SPECC1: variants seen among roughly 807,000 people sequenced by gnomAD.
SPECC1 encodes sperm antigen with calponin homology and coiled-coil domains 1, also known as cytospin-B.
A neutral mutation model predicts 104.1 loss-of-function variants in SPECC1; 62 were observed. The ratio of observed to expected loss-of-function variants is 0.60; its 90% confidence interval spans 0.49 to 0.74. The LOEUF is 0.74. Among genes scored for constraint, SPECC1 ranks in the 30% least tolerant of loss-of-function variants. The pLI, the probability that SPECC1 is intolerant of heterozygous loss-of-function variation, is 0.00. For missense variants in SPECC1, 1,306 were observed against 1,310.5 expected, an observed-to-expected ratio of 1.00 and a Z score of 0.05; for synonymous variants, 513 against 501.6, an observed-to-expected ratio of 1.02 and a Z score of -0.30.
intron 3 of SPECC1, among the ~76,000 whole-genome samples, chr17:20,172,822 TGAA>T (rs2034191264): frequency 6.6e-6 from 1 of 152,178 alleles, no homozygotes; most frequent in Non-Finnish European, 1.5e-5. Flanking sequence ...GCGATTAACT[TGAA>T]GAGAACTGAT....
chr17:20,191,083 T>C (rs1375387688), intron 3 of SPECC1, among the ~76,000 whole-genome samples: 1 of 152,204 alleles, frequency 6.6e-6, no homozygotes, highest in Non-Finnish European at 1.5e-5. Context: ...GGCTTAATAG[T>C]TATTTCATTT....
intron 1 of SPECC1, among the ~76,000 whole-genome samples, chr17:20,022,939 G>T (rs1194899217): frequency 6.6e-6 from 1 of 152,138 alleles, no homozygotes; most frequent in Admixed American, 6.5e-5. Context: ...GAATACTGAC[G>T]GACTGTGTGC....
At chr17:20,196,025 C>T (rs2036010755) in intron 3 of SPECC1, among the ~76,000 whole-genome samples, 1 of 152,074 alleles carries the variant, frequency 6.6e-6, no homozygotes, top group African/African-American at 2.4e-5. Context: ...AATAATACCC[C>T]TTTAATTTAG....
At chr17:20,047,800 T>C (rs1429339965) in intron 1 of SPECC1, among the ~76,000 whole-genome samples, 1 of 152,032 alleles carries the variant, frequency 6.6e-6, no homozygotes, top group African/African-American at 2.4e-5. Flanking sequence ...GGTTTCACCG[T>C]GTTAGCCAGG....
intron 3 of SPECC1, among the ~76,000 whole-genome samples, chr17:20,158,432 A>G (rs2032807195): frequency 6.6e-6 from 1 of 152,214 alleles, no homozygotes; most frequent in Admixed American, 6.5e-5. Context: ...AAAGCTTTTG[A>G]TCATGATGCA....
chr17:20,279,309 C>CTTTTT (rs558884865), intron 12 of SPECC1, among the ~76,000 whole-genome samples: 12 of 131,838 alleles, frequency 9.1e-5, no homozygotes, highest in African/African-American at 2.0e-4. Flanking sequence ...ACTTTTCTTT[C>CTTTTT]TTTTTTTTTT....
intron 3 of SPECC1, among the ~76,000 whole-genome samples, chr17:20,166,589 C>A (rs2033667548): frequency 6.6e-6 from 1 of 151,760 alleles, no homozygotes; most frequent in South Asian, 2.1e-4. Context: ...CTTTTATTAT[C>A]AAAAAATAAA....
chr17:20,153,077 G>T (rs575188984), intron 3 of SPECC1, among the ~76,000 whole-genome samples: 1 of 152,158 alleles, frequency 6.6e-6, no homozygotes, highest in African/African-American at 2.4e-5. Flanking sequence ...ATCACATTGT[G>T]GGGGGTAGGG....
intron 7 of SPECC1, among the ~76,000 whole-genome samples, chr17:20,233,382 A>C (rs1189393256): frequency 6.6e-6 from 1 of 152,138 alleles, no homozygotes; most frequent in Non-Finnish European, 1.5e-5. Context: ...ATTTTTCAGA[A>C]TTCAGCTGTG....
At chr17:20,117,961 C>T (rs1298053521) in intron 3 of SPECC1, among the ~76,000 whole-genome samples, 1 of 151,308 alleles carries the variant, frequency 6.6e-6, no homozygotes, top group East Asian at 2.0e-4. Flanking sequence ...AAAAATTAGC[C>T]AAGCATGGAA....
At chr17:20,285,236 T>A (rs149343002) in intron 12 of SPECC1, among the ~76,000 whole-genome samples, 43 of 152,320 alleles carry the variant, frequency 2.8e-4, no homozygotes, top group African/African-American at 9.9e-4. Flanking sequence ...GCTGCGTTAT[T>A]CATGAGTGCT....
At chr17:20,266,759 A>G (rs2040233070) in intron 12 of SPECC1, among the ~76,000 whole-genome samples, 1 of 152,010 alleles carries the variant, frequency 6.6e-6, no homozygotes, top group Admixed American at 6.5e-5. Context: ...TAAAGCAGGG[A>G]AGGAGGGTTG....
At chr17:20,158,477 C>T (rs1044579885) in intron 3 of SPECC1, among the ~76,000 whole-genome samples, 16 of 152,294 alleles carry the variant, frequency 1.1e-4, no homozygotes, top group Middle Eastern at 3.4e-3. Flanking sequence ...CGGGAGGCAG[C>T]AGGTTTGGGC....
At chr17:20,043,635 G>T (rs561522833) in intron 1 of SPECC1, among the ~76,000 whole-genome samples, 1 of 152,158 alleles carries the variant, frequency 6.6e-6, no homozygotes, top group East Asian at 1.9e-4. Context: ...TTAATCTTTG[G>T]GCAGTTCCTT....
chr17:20,134,264 G>A (rs567736970), intron 3 of SPECC1, among the ~76,000 whole-genome samples: 1 of 151,756 alleles, frequency 6.6e-6, no homozygotes, highest in African/African-American at 2.4e-5. Flanking sequence ...GTAGTAGTGA[G>A]AAACATGGCT....
At chr17:20,310,509 G>A (rs962495271) in intron 14 of SPECC1, among the ~76,000 whole-genome samples, 3 of 152,332 alleles carry the variant, frequency 2.0e-5, no homozygotes, top group South Asian at 2.1e-4. Context: ...CTCAGCCACC[G>A]TGTAAGGAGA....
chr17:20,263,885 T>TTGTGTG lies in SPECC1; in HGVS notation c.2940+3608_2940+3613dup, dbSNP rs556560740. ...GAACACTATTTCCTGCTGGAGTGAT[T>TTGTGTG]TGTGTGTGTGTGTGTGTGTGTGAAC... is the stretch of plus-strand genomic sequence containing the variant. On this transcript the variant is annotated intron_variant, in intron 12 of 14. Coordinates refer to ENST00000395527, the MANE Select transcript of SPECC1 (RefSeq NM_001243439.2). Among the ~76,000 whole-genome samples the TTGTGTG allele has an allele frequency of 6.0e-5, 9 of 150,364 alleles. No individual in the cohort carries two copies. In the East Asian group the frequency reaches 7.8e-4, roughly 13 times the overall value.
intron 2 of SPECC1, among the ~76,000 whole-genome samples, chr17:20,099,917 C>T (rs993514655): frequency 6.6e-6 from 1 of 151,938 alleles, no homozygotes; most frequent in African/African-American, 2.4e-5. Flanking sequence ...ACTGTGGATA[C>T]CAAAATCCAT....
chr17:20,266,011 G>A (rs146881054), intron 12 of SPECC1, among the ~76,000 whole-genome samples: 2 of 152,172 alleles, frequency 1.3e-5, no homozygotes, highest in Non-Finnish European at 2.9e-5. Flanking sequence ...GGCAATGCGA[G>A]TCTCCAGCTT....
Sources: allele counts gnomAD v4.1 joint callset (sites outside exome capture counted in the v4.1 genomes callset), GRCh38; gene constraint gnomAD v4.1.1; transcripts MANE v1.5; gene names NCBI Gene and HGNC (gene_info 2026-07-23, HGNC 2026-07-21).